IQCM: variants seen among roughly 807,000 people sequenced by gnomAD.
IQCM encodes the protein IQ motif containing M, also known as IQ domain-containing protein M.
Under a neutral mutation model 57.6 loss-of-function variants are expected in IQCM, and 45 were observed. The observed-to-expected ratio is 0.78, with a 90% CI of 0.62 to 1.00. IQCM has a LOEUF of 1.00. IQCM is among the 50% of genes least tolerant of loss of function. IQCM has a pLI of 0.00. For missense variants in IQCM, 468 were observed against 511.6 expected (o/e 0.91, Z 0.82); for synonymous variants, 148 against 158.9 (o/e 0.93, Z 0.51).
intron 13 of IQCM, among the ~76,000 whole-genome samples, chr4:149,364,638 G>T (rs1729711509): frequency 6.6e-6 from 1 of 151,946 alleles, no homozygotes; most frequent in South Asian, 2.1e-4. Context: ...TATTATAAAT[G>T]GGTACCCAGT....
intron 5 of IQCM, among the ~76,000 whole-genome samples, chr4:149,687,573 A>G (rs1406541200): frequency 6.6e-6 from 1 of 151,776 alleles, no homozygotes; most frequent in Non-Finnish European, 1.5e-5. Context: ...CACAAAATAG[A>G]GAAAGAGTGA....
At chr4:149,667,008 G>T (rs892076347) in intron 7 of IQCM, among the ~76,000 whole-genome samples, 1 of 152,120 alleles carries the variant, frequency 6.6e-6, no homozygotes, top group Admixed American at 6.5e-5. Context: ...AGCTTCAGCA[G>T]ACTTAAACGT....
intron 2 of IQCM, among the ~76,000 whole-genome samples, chr4:149,804,096 T>G (rs1341516107): frequency 6.6e-6 from 1 of 151,864 alleles, no homozygotes; most frequent in Non-Finnish European, 1.5e-5. Context: ...TTTCCTCAAG[T>G]TGGTTAGGCT....
At chr4:149,744,694 C>T (rs1314785072) in intron 2 of IQCM, among the ~76,000 whole-genome samples, 1 of 152,026 alleles carries the variant, frequency 6.6e-6, no homozygotes, top group Non-Finnish European at 1.5e-5. Flanking sequence ...CACAAAATAT[C>T]AGCAAATGGG....
chr4:149,806,618 G>A (rs75956712), intron 2 of IQCM, among the ~76,000 whole-genome samples: 3,339 of 151,972 alleles, frequency 0.022, 64 homozygotes, highest in South Asian at 0.036. Flanking sequence ...AAATGGTAAT[G>A]AACTTTTATA....
At chr4:149,764,753 A>T (rs1004270354) in intron 2 of IQCM, among the ~76,000 whole-genome samples, 1 of 152,136 alleles carries the variant, frequency 6.6e-6, no homozygotes, top group African/African-American at 2.4e-5. Flanking sequence ...AGCTGGATAG[A>T]AAAGCTTGAC....
At chr4:149,725,981 A>C (rs1274871101) in intron 5 of IQCM, among the ~76,000 whole-genome samples, 1 of 151,764 alleles carries the variant, frequency 6.6e-6, no homozygotes, top group Non-Finnish European at 1.5e-5. Flanking sequence ...CTATTCCTTT[A>C]TTCTACCCTT....
chr4:149,721,275 AT>A (rs1765428227), intron 5 of IQCM, among the ~76,000 whole-genome samples: 1 of 151,964 alleles, frequency 6.6e-6, no homozygotes, highest in South Asian at 2.1e-4. Flanking sequence ...CGCCATTTTC[AT>A]TTTTTTCTTT....
intron 13 of IQCM, among the ~76,000 whole-genome samples, chr4:149,363,214 C>T (rs1729612770): frequency 6.6e-6 from 1 of 152,138 alleles, no homozygotes; most frequent in African/African-American, 2.4e-5. Flanking sequence ...GACTTGACTC[C>T]TTGTGGAATC....
chr4:149,630,075 T>C (rs1757134030), intron 7 of IQCM, among the ~76,000 whole-genome samples: 1 of 152,214 alleles, frequency 6.6e-6, no homozygotes, highest in Non-Finnish European at 1.5e-5. Context: ...CAGCCTGCTG[T>C]GTCATAATAG....
rs368474555 is a variant in IQCM, at chr4:149,417,729, C to T, written c.1390+15667G>A. On this transcript the variant is annotated intron_variant, in intron 13 of 13. Coordinates refer to ENST00000636793, the MANE Select transcript of IQCM (RefSeq NM_001363507.2). Reference sequence around the variant, plus strand: ...AGGAGAAAGACACACTTTACTGTCTCCTCTGTAATGATTTGCCATTTAGGT... The same window carrying T: ...AGGAGAAAGACACACTTTACTGTCTTCTCTGTAATGATTTGCCATTTAGGT... 2.6e-5 allele frequency among the ~76,000 whole-genome samples: 4 copies of T among 151,922 alleles called. No individual in the cohort carries two copies. The East Asian group carries it at 5.8e-4, about 22-fold the overall frequency.
intron 7 of IQCM, among the ~76,000 whole-genome samples, chr4:149,637,968 A>C (rs1431917481): frequency 5.3e-5 from 8 of 152,252 alleles, no homozygotes; most frequent in Non-Finnish European, 1.0e-4. Context: ...ATCAAAAATA[A>C]AAACTGCTCA....
At chr4:149,737,146 G>A (rs1767015164) in intron 3 of IQCM, among the ~76,000 whole-genome samples, 1 of 152,102 alleles carries the variant, frequency 6.6e-6, no homozygotes, top group African/African-American at 2.4e-5. Flanking sequence ...ATCTATGGTG[G>A]AAAAAACAAA....
At chr4:149,497,880 T>A (rs1742837574) in intron 12 of IQCM, among the ~76,000 whole-genome samples, 1 of 152,160 alleles carries the variant, frequency 6.6e-6, no homozygotes, top group Non-Finnish European at 1.5e-5. Context: ...TTTACAAGTC[T>A]ATATGTTATT....
At chr4:149,811,673 C>A (rs899334566) in intron 2 of IQCM, among the ~76,000 whole-genome samples, 1 of 152,128 alleles carries the variant, frequency 6.6e-6, no homozygotes, top group African/African-American at 2.4e-5. Flanking sequence ...CAATAGTGAA[C>A]CCACTTCAGT....
chr4:149,743,122 C>T (rs747021846), intron 2 of IQCM, among the ~76,000 whole-genome samples: 3 of 152,102 alleles, frequency 2.0e-5, no homozygotes, highest in African/African-American at 7.2e-5. Context: ...CAGGTCTCTC[C>T]GATTTCCTAC....
intron 12 of IQCM, among the ~76,000 whole-genome samples, chr4:149,477,530 T>C (rs1050297644): frequency 2.0e-5 from 3 of 152,134 alleles, no homozygotes; most frequent in Non-Finnish European, 4.4e-5. Context: ...ATCCACATGG[T>C]CCTTGCCCTC....
At chr4:149,548,382 G>T in intron 12 of IQCM, 73 bp downstream of exon 12, 2 of 1,160,286 alleles carry the variant, frequency 1.7e-6, no homozygotes, top group Middle Eastern at 6.5e-4. Context: ...AACAACTAAG[G>T]AAAGTTGGGA....
At chr4:149,565,059 A>G (rs1289008930) in intron 9 of IQCM, among the ~76,000 whole-genome samples, 1 of 152,066 alleles carries the variant, frequency 6.6e-6, no homozygotes, top group Non-Finnish European at 1.5e-5. Context: ...TTTTTGGCAT[A>G]TAAAAATGCT....
Sources: allele counts gnomAD v4.1 joint callset (sites outside exome capture counted in the v4.1 genomes callset), GRCh38; gene constraint gnomAD v4.1.1; transcripts MANE v1.5; gene names NCBI Gene and HGNC (gene_info 2026-07-23, HGNC 2026-07-21).